TRPS1: variants seen among roughly 807,000 people sequenced by gnomAD.
TRPS1 encodes the protein transcriptional repressor GATA binding 1, also known as zinc finger transcription factor Trps1.
Under a neutral mutation model 101.2 loss-of-function variants are expected in TRPS1, and 6 were observed. The ratio of observed to expected loss-of-function variants is 0.06; its 90% CI spans 0.03 to 0.12. The LOEUF (loss-of-function observed/expected upper bound fraction) is 0.12. TRPS1 is among the 10% of genes least tolerant of loss of function. The probability of loss-of-function intolerance (pLI) is 1.00; values close to 1 mark genes in which losing one functional copy is unlikely to be tolerated. For synonymous variants in TRPS1, 578 were observed against 589.8 expected (o/e 0.98, Z 0.29); for missense variants, 1,363 against 1,567.0 (o/e 0.87, Z 2.20).
chr8:115,627,979 T>C (rs1405748312), intron 1 of TRPS1, among the ~76,000 whole-genome samples: 2 of 151,838 alleles, frequency 1.3e-5, no homozygotes, highest in Non-Finnish European at 3.0e-5. Context: ...TTATTACTAT[T>C]AGTAGTATTA....
intron 5 of TRPS1, among the ~76,000 whole-genome samples, chr8:115,582,657 T>C (rs752002147): frequency 2.6e-5 from 4 of 152,148 alleles, no homozygotes; most frequent in Non-Finnish European, 5.9e-5. Context: ...GGCCCTTCCT[T>C]TGAAAGTCAG....
intron 1 of TRPS1, among the ~76,000 whole-genome samples, chr8:115,642,168 C>T (rs893367217): frequency 5.3e-5 from 8 of 151,284 alleles, no homozygotes; most frequent in South Asian, 2.1e-4. Context: ...GAGCTATGAT[C>T]GCACCACAGG....
chr8:115,561,473 T>G (rs1490789413), intron 5 of TRPS1, among the ~76,000 whole-genome samples: 2 of 151,838 alleles, frequency 1.3e-5, no homozygotes, highest in South Asian at 4.1e-4. Context: ...ATCTTGTGTT[T>G]TTTTTTTTCT....
chr8:115,611,412 C>T (rs950508401), intron 3 of TRPS1, among the ~76,000 whole-genome samples: 1 of 152,174 alleles, frequency 6.6e-6, no homozygotes, highest in African/African-American at 2.4e-5. Context: ...GTGCCAAGCA[C>T]TGGAAATACA....
chr8:115,436,072 T>C (rs1440138673), intron 5 of TRPS1, among the ~76,000 whole-genome samples: 1 of 147,490 alleles, frequency 6.8e-6, no homozygotes, highest in African/African-American at 2.5e-5. Context: ...TGCAAATAGG[T>C]GGTGAGACTC....
intron 5 of TRPS1, among the ~76,000 whole-genome samples, chr8:115,478,633 AT>A (rs1009301094): frequency 1.3e-5 from 2 of 151,846 alleles, no homozygotes; most frequent in Admixed American, 6.6e-5. Context: ...GTGAAACCCC[AT>A]CTGTCCTAAA....
chr8:115,466,905 A>T (rs920633826), intron 5 of TRPS1, among the ~76,000 whole-genome samples: 7 of 151,942 alleles, frequency 4.6e-5, no homozygotes, highest in African/African-American at 1.7e-4. Context: ...TCATTTTGCC[A>T]TTAAAAAAAA....
chr8:115,506,915 G>C (rs924619587), intron 5 of TRPS1, among the ~76,000 whole-genome samples: 2 of 152,058 alleles, frequency 1.3e-5, no homozygotes, highest in African/African-American at 4.8e-5. Context: ...AATATAACTT[G>C]TGAGGAAAAA....
intron 1 of TRPS1, among the ~76,000 whole-genome samples, chr8:115,635,753 G>C (rs1025537929): frequency 6.6e-6 from 1 of 152,152 alleles, no homozygotes; most frequent in Admixed American, 6.5e-5. Context: ...CAGATGAAGA[G>C]AGAATGTGGC....
chr8:115,653,513 C>T (rs1811610320), intron 1 of TRPS1, among the ~76,000 whole-genome samples: 1 of 152,092 alleles, frequency 6.6e-6, no homozygotes, highest in Non-Finnish European at 1.5e-5. Flanking sequence ...TGTCAAAGAT[C>T]ATTCTATAGT....
intron 5 of TRPS1, among the ~76,000 whole-genome samples, chr8:115,454,921 T>G (rs546256350): frequency 2.0e-5 from 3 of 152,214 alleles, no homozygotes; most frequent in African/African-American, 7.2e-5. Context: ...GAGGTCTCTG[T>G]AAGCCTTAGG....
chr8:115,439,227 C>T (rs557970573), intron 5 of TRPS1, among the ~76,000 whole-genome samples: 8 of 152,042 alleles, frequency 5.3e-5, no homozygotes, highest in African/African-American at 1.2e-4. Flanking sequence ...AGAAAAGGGG[C>T]GGTATGATCT....
chr8:115,612,344 G>A (rs1818189804), intron 3 of TRPS1, among the ~76,000 whole-genome samples: 1 of 152,006 alleles, frequency 6.6e-6, no homozygotes, highest in Non-Finnish European at 1.5e-5. Flanking sequence ...TAGAACAACA[G>A]AAAAGAAATC....
rs1190642381 is a variant in TRPS1, at chr8:115,420,083, G to C, written c.2701-1631C>G. 2.0e-5 allele frequency among the ~76,000 whole-genome samples: 3 copies of C among 152,174 alleles called. No individual in the cohort carries two copies. In the East Asian group the frequency reaches 5.8e-4, roughly 29 times the overall value. The stretch of plus-strand genomic sequence containing the variant: ...GAACACGATTTCATTAGTGTAGCAG[G>C]TTGTGCTACTTTAGGTGATGTAATA... On this transcript the variant is annotated intron_variant, in intron 5 of 6. Coordinates refer to ENST00000395715, the MANE Select transcript of TRPS1 (RefSeq NM_014112.5).
intron 5 of TRPS1, among the ~76,000 whole-genome samples, chr8:115,585,274 C>T (rs566127364): frequency 4.6e-5 from 7 of 152,274 alleles, no homozygotes; most frequent in Non-Finnish European, 8.8e-5. Flanking sequence ...TTAACATCTC[C>T]ATCTTGCTCA....
chr8:115,639,072 A>G (rs1377614040), intron 1 of TRPS1, among the ~76,000 whole-genome samples: 1 of 152,012 alleles, frequency 6.6e-6, no homozygotes, highest in Non-Finnish European at 1.5e-5. Context: ...TTATTTATTT[A>G]TTTATTTCTG....
chr8:115,434,533 T>C (rs1345825158), intron 5 of TRPS1, among the ~76,000 whole-genome samples: 1 of 152,208 alleles, frequency 6.6e-6, no homozygotes, highest in East Asian at 1.9e-4. Flanking sequence ...GTTCATAAAA[T>C]TGATTAAAAT....
At chr8:115,595,677 A>G (rs1817769603) in intron 4 of TRPS1, among the ~76,000 whole-genome samples, 1 of 151,962 alleles carries the variant, frequency 6.6e-6, no homozygotes, top group African/African-American at 2.4e-5. Flanking sequence ...AAGTCTTTCA[A>G]TAAAATAGAA....
At chr8:115,635,848 AT>A (rs1818756194) in intron 1 of TRPS1, among the ~76,000 whole-genome samples, 1 of 152,184 alleles carries the variant, frequency 6.6e-6, no homozygotes, top group Non-Finnish European at 1.5e-5. Flanking sequence ...GAAATAAAAG[AT>A]TAACACATAA....
Sources: gnomAD v4.1 joint callset for allele counts (sites outside exome capture counted in the v4.1 genomes callset) on GRCh38, gnomAD v4.1.1 for gene constraint, MANE v1.5 for transcripts, NCBI Gene and HGNC (gene_info 2026-07-23, HGNC 2026-07-21) for gene names.